The following ITIH5 variants were observed in gnomAD, a reference collection of about 807,000 sequenced individuals.
ITIH5 encodes the protein inter-alpha-trypsin inhibitor heavy chain 5.
In ITIH5, 65 loss-of-function variants were observed where a neutral mutation model predicts 77.5. The ratio of observed to expected loss-of-function variants is 0.84; its 90% confidence interval spans 0.69 to 1.03. The LOEUF (loss-of-function observed/expected upper bound fraction) is 1.03, where lower values mean the gene tolerates loss of function less well. ITIH5 is among the 50% of genes least tolerant of loss of function. The probability of loss-of-function intolerance (pLI) is 0.00; values close to 1 mark genes in which losing one functional copy is unlikely to be tolerated. For missense variants in ITIH5, 1,208 were observed against 1,213.1 expected (o/e 1.00, Z 0.06); for synonymous variants, 525 against 494.3 (o/e 1.06, Z -0.82).
chr10:7,659,184 CT>C (rs1174336218), intron 1 of ITIH5, among the ~76,000 whole-genome samples: 1 of 152,034 alleles, frequency 6.6e-6, no homozygotes, highest in Non-Finnish European at 1.5e-5. Context: ...CGAAACCAAC[CT>C]GGCCAACATG....
At chr10:7,613,672 A>AG (rs1833303526) in intron 7 of ITIH5, among the ~76,000 whole-genome samples, 2 of 152,210 alleles carry the variant, frequency 1.3e-5, no homozygotes, top group Admixed American at 6.5e-5. Context: ...CAAAACAGTG[A>AG]GAAAAAAAAT....
chr10:7,593,857 C>T (rs1832844636), intron 7 of ITIH5, among the ~76,000 whole-genome samples: 1 of 152,238 alleles, frequency 6.6e-6, no homozygotes, highest in South Asian at 2.1e-4. Flanking sequence ...CCTGGCCCCA[C>T]CAATCCTTGC....
intron 7 of ITIH5, among the ~76,000 whole-genome samples, chr10:7,613,160 T>C (rs966400481): frequency 6.6e-6 from 1 of 151,396 alleles, no homozygotes; most frequent in African/African-American, 2.4e-5. Context: ...GCAGGAGAGT[T>C]GCTTGAACCC....
At position 7,576,916 on chromosome 10, in the gene ITIH5, G is replaced by A. The variant is rs1395871350; in HGVS notation, c.1515C>T (p.Asn505=). 6.2e-7 allele frequency: 1 copy of A among 1,614,184 alleles called. No individual in the cohort carries two copies. The highest frequency in any genetic ancestry group is 2.2e-5 in the East Asian group (1 of 44,886). ...TGATGATCTCCGAGCCGTTGAAGTA[G>A]TTGGGGAACAGGGTCTTGGTGGCCT... is the stretch of plus-strand genomic sequence containing the variant. ...VVQATKTLFP[N]YFNGSEIIIA... is the part of the protein sequence containing the mutation. Residue 505 remains asparagine (N), a synonymous_variant, in exon 10 of 14, where the codon AAC becomes AAT. Coordinates refer to ENST00000397146, the MANE Select transcript of ITIH5 (RefSeq NM_030569.7).
Position 7,609,712 on chromosome 10 carries a change from G to A in ITIH5, c.939+6270C>T, listed in dbSNP as rs567136122. On this transcript the variant is annotated intron_variant, in intron 7 of 13. Coordinates refer to ENST00000397146, the MANE Select transcript of ITIH5 (RefSeq NM_030569.7). ...AAGGAAGACAAGCTTCAAAGGCTAC[G>A]TGGGAACCCAGAATTGGCACAGAGG... is the stretch of plus-strand genomic sequence containing the variant. 3.3e-5 allele frequency among the ~76,000 whole-genome samples: 5 copies of A among 152,300 alleles called. No homozygotes were observed. The East Asian group carries it at 7.7e-4, about 23-fold the overall frequency.
At chr10:7,604,829 A>AC (rs1554753381) in intron 7 of ITIH5, among the ~76,000 whole-genome samples, 1 of 151,992 alleles carries the variant, frequency 6.6e-6, no homozygotes, top group Non-Finnish European at 1.5e-5. Flanking sequence ...AGATTGTTTC[A>AC]TTTTTTCTTC....
chr10:7,617,103 A>T lies in ITIH5; in HGVS notation c.822+10T>A. ...CAACCAACATGAAATAGCAACGACGATCCTATTACCTGGATGTCCCCAATG... is the reference window on the plus strand; with the variant it reads ...CAACCAACATGAAATAGCAACGACGTTCCTATTACCTGGATGTCCCCAATG... On this transcript the variant is annotated intron_variant, in intron 6 of 13. Coordinates refer to ENST00000397146, the MANE Select transcript of ITIH5 (RefSeq NM_030569.7). 1 of 1,512,428 alleles carries T rather than the reference A, an allele frequency of 6.6e-7. No homozygotes were observed. 93.7% of individuals were successfully genotyped at this position (1,512,428 alleles called of 1,614,324 possible).
intron 9 of ITIH5, 56 bp downstream of exon 9, chr10:7,579,699 A>G: frequency 6.4e-7 from 1 of 1,554,108 alleles, no homozygotes; most frequent in Non-Finnish European, 8.8e-7. Flanking sequence ...TTCCCACCGC[A>G]GCCACCCCTC....
At chr10:7,662,698 A>G (rs956388089) in intron 1 of ITIH5, among the ~76,000 whole-genome samples, 5 of 152,170 alleles carry the variant, frequency 3.3e-5, no homozygotes, top group African/African-American at 9.7e-5. Context: ...TCCACCCTCA[A>G]GAAATGGCAT....
intron 9 of ITIH5, chr10:7,578,265 T>C: frequency 6.0e-6 from 1 of 167,542 alleles, no homozygotes. Context: ...ATCTCTGTAT[T>C]GCAGCTTAGC....
At chr10:7,611,133 T>A (rs1344148251) in intron 7 of ITIH5, among the ~76,000 whole-genome samples, 1 of 152,246 alleles carries the variant, frequency 6.6e-6, no homozygotes, top group Non-Finnish European at 1.5e-5. Flanking sequence ...GCACGGTACA[T>A]GGCTTAGTTC....
chr10:7,631,243 T>C (rs529330699), intron 5 of ITIH5, among the ~76,000 whole-genome samples: 1 of 152,208 alleles, frequency 6.6e-6, no homozygotes, highest in African/African-American at 2.4e-5. Flanking sequence ...AGCAATAGAT[T>C]TATAAAAGCT....
chr10:7,662,747 C>T (rs1188667672), intron 1 of ITIH5, among the ~76,000 whole-genome samples: 1 of 152,182 alleles, frequency 6.6e-6, no homozygotes, highest in Non-Finnish European at 1.5e-5. Context: ...TGGAATTTCT[C>T]CCACAGCATA....
intron 2 of ITIH5, among the ~76,000 whole-genome samples, chr10:7,643,681 C>G (rs1414532705): frequency 6.6e-6 from 1 of 152,204 alleles, no homozygotes; most frequent in Admixed American, 6.5e-5. Context: ...TTTATTTCAG[C>G]CCTCATCTGC....
chr10:7,629,583 G>T (rs1248376077), intron 5 of ITIH5, among the ~76,000 whole-genome samples: 1 of 144,856 alleles, frequency 6.9e-6, no homozygotes, highest in Admixed American at 6.9e-5. Context: ...CTGTGTTTTC[G>T]CATGTGTCCA....
intron 5 of ITIH5, chr10:7,619,454 A>G (rs1470962758): frequency 6.1e-6 from 1 of 164,480 alleles, no homozygotes; most frequent in East Asian, 1.7e-4. Context: ...ACTTAGCACC[A>G]TTTTCCAGTT....
intron 2 of ITIH5, among the ~76,000 whole-genome samples, chr10:7,644,530 G>GAT (rs375662088): frequency 0.033 from 1,984 of 60,120 alleles, 228 homozygotes; most frequent in Non-Finnish European, 0.044. Context: ...ACATATATAT[G>GAT]ATATATCACA....
At chr10:7,600,616 A>G in intron 7 of ITIH5, 2 of 456,614 alleles carry the variant, frequency 4.4e-6, no homozygotes, top group Non-Finnish European at 8.8e-6. Context: ...ACATTTGGTT[A>G]ATCAGAACAT....
At chr10:7,604,468 G>C (rs1338648798) in intron 7 of ITIH5, among the ~76,000 whole-genome samples, 1 of 152,216 alleles carries the variant, frequency 6.6e-6, no homozygotes, top group East Asian at 1.9e-4. Context: ...CACGCTCCGC[G>C]TTTTCCTTCT....
Sources: allele counts gnomAD v4.1 joint callset (sites outside exome capture counted in the v4.1 genomes callset), GRCh38; gene constraint gnomAD v4.1.1; transcripts MANE v1.5; gene names NCBI Gene and HGNC (gene_info 2026-07-23, HGNC 2026-07-21).